Variants in LDB2 observed in about 807,000 individuals in gnomAD.
The protein encoded by LDB2 is LIM domain-binding protein 2.
LDB2 carries 12 observed loss-of-function variants against 44.3 expected under a neutral mutation model. The ratio of observed to expected loss-of-function variants is 0.27; its 90% CI spans 0.17 to 0.44. The LOEUF is 0.44. Among genes scored for constraint, LDB2 ranks in the 20% least tolerant of loss-of-function variants. The pLI is 1.00. For missense variants in LDB2, 344 were observed against 473.5 expected, an observed-to-expected ratio of 0.73 and a Z score of 2.54; for synonymous variants, 164 against 174.8, an observed-to-expected ratio of 0.94 and a Z score of 0.49.
intron 2 of LDB2, among the ~76,000 whole-genome samples, chr4:16,598,776 TG>T (rs1721750800): frequency 1.3e-5 from 2 of 151,922 alleles, no homozygotes; most frequent in Non-Finnish European, 2.9e-5. Flanking sequence ...AGAGTCTTCA[TG>T]GGCTGATTTG....
Position 16,569,679 on chromosome 4 carries a change from C to T in LDB2, c.615+16243G>A, listed in dbSNP as rs528715799. On this transcript the variant is annotated intron_variant, in intron 5 of 7. Transcript: ENST00000304523. ...CCATCCCTCCATCCATCCATCCATCCGTCCATCCATCCATCCAGCTGCTTG... is the reference window on the plus strand; with the variant it reads ...CCATCCCTCCATCCATCCATCCATCTGTCCATCCATCCATCCAGCTGCTTG... Among the ~76,000 whole-genome samples the T allele has an allele frequency of 2.6e-5, 4 of 152,234 alleles. No individual in the cohort carries two copies. The South Asian group carries it at 8.3e-4, about 32-fold the overall frequency.
intron 2 of LDB2, among the ~76,000 whole-genome samples, chr4:16,673,088 G>A (rs573228133): frequency 6.6e-6 from 1 of 151,708 alleles, no homozygotes; most frequent in Admixed American, 6.6e-5. Context: ...TGAAGATTCT[G>A]GTTTGTGACC....
intron 2 of LDB2, among the ~76,000 whole-genome samples, chr4:16,596,854 C>G (rs541481504): frequency 6.6e-6 from 1 of 152,110 alleles, no homozygotes; most frequent in Admixed American, 6.6e-5. Flanking sequence ...GATTTGAAAT[C>G]CTCTTACACT....
chr4:16,534,561 T>A (rs1055488959), intron 5 of LDB2, among the ~76,000 whole-genome samples: 2 of 152,234 alleles, frequency 1.3e-5, no homozygotes, highest in African/African-American at 4.8e-5. Flanking sequence ...TAATTTATAT[T>A]TCTCAAGTAG....
intron 2 of LDB2, among the ~76,000 whole-genome samples, chr4:16,727,519 G>A (rs1759782871): frequency 1.3e-5 from 2 of 152,118 alleles, no homozygotes; most frequent in Admixed American, 1.3e-4. Flanking sequence ...CAGTTGAAAC[G>A]CATCTCTGAA....
intron 1 of LDB2, among the ~76,000 whole-genome samples, chr4:16,883,461 G>A (rs574144785): frequency 7.2e-5 from 11 of 152,208 alleles, no homozygotes; most frequent in Non-Finnish European, 1.6e-4. Context: ...AAGCATATGG[G>A]CCTGCAATGG....
chr4:16,824,055 G>A (rs114137743), intron 1 of LDB2, among the ~76,000 whole-genome samples: 25 of 152,354 alleles, frequency 1.6e-4, no homozygotes, highest in Non-Finnish European at 2.8e-4. Flanking sequence ...TTCCACAGAG[G>A]CAGGCAAATT....
intron 5 of LDB2, among the ~76,000 whole-genome samples, chr4:16,576,680 A>C (rs1057250085): frequency 6.6e-6 from 1 of 152,226 alleles, no homozygotes; most frequent in Non-Finnish European, 1.5e-5. Context: ...AATCCTACTG[A>C]AACTATTCCA....
At chr4:16,609,355 G>GA (rs1553923643) in intron 2 of LDB2, among the ~76,000 whole-genome samples, 1 of 148,886 alleles carries the variant, frequency 6.7e-6, no homozygotes, top group Non-Finnish European at 1.5e-5. Context: ...AGGGGGCGGG[G>GA]GGGGGAGGGG....
chr4:16,610,441 C>T (rs1725295082), intron 2 of LDB2, among the ~76,000 whole-genome samples: 1 of 151,992 alleles, frequency 6.6e-6, no homozygotes, highest in Non-Finnish European at 1.5e-5. Flanking sequence ...TCTTCTAACC[C>T]AAAGCAAAGA....
intron 2 of LDB2, among the ~76,000 whole-genome samples, chr4:16,712,486 A>C (rs1463281218): frequency 6.6e-6 from 1 of 152,144 alleles, no homozygotes; most frequent in African/African-American, 2.4e-5. Flanking sequence ...CAGGAGTCGG[A>C]GGTTGTAGTG....
At chr4:16,782,683 A>G (rs1773557080) in intron 1 of LDB2, among the ~76,000 whole-genome samples, 1 of 152,170 alleles carries the variant, frequency 6.6e-6, no homozygotes, top group South Asian at 2.1e-4. Context: ...CAGTCTTTCC[A>G]AAGACTCACA....
chr4:16,702,895 T>C (rs1390586260), intron 2 of LDB2, among the ~76,000 whole-genome samples: 1 of 152,194 alleles, frequency 6.6e-6, no homozygotes, highest in African/African-American at 2.4e-5. Flanking sequence ...AATGCCTATG[T>C]ACTCTCTCTA....
intron 2 of LDB2, among the ~76,000 whole-genome samples, chr4:16,719,026 T>C (rs1757659282): frequency 6.7e-6 from 1 of 149,376 alleles, no homozygotes; most frequent in South Asian, 2.1e-4. Flanking sequence ...TCAAAATAAA[T>C]AGGCATATAA....
intron 7 of LDB2, among the ~76,000 whole-genome samples, chr4:16,504,142 A>G: frequency 6.6e-6 from 1 of 152,138 alleles, no homozygotes; most frequent in East Asian, 1.9e-4. Context: ...TAGAAAGGCT[A>G]ATTCAATAAA....
chr4:16,585,578 C>T (rs7669580), intron 5 of LDB2, among the ~76,000 whole-genome samples: 14,316 of 152,126 alleles, frequency 0.094, 757 homozygotes, highest in Non-Finnish European at 0.11. Context: ...GGTGGAGGCA[C>T]TGGGGTAATG....
At chr4:16,841,882 A>C (rs1364222037) in intron 1 of LDB2, among the ~76,000 whole-genome samples, 1 of 152,220 alleles carries the variant, frequency 6.6e-6, no homozygotes, top group Non-Finnish European at 1.5e-5. Flanking sequence ...CTTTCAAATT[A>C]AATGTCAAAT....
chr4:16,569,542 T>G (rs1453755654), intron 5 of LDB2, among the ~76,000 whole-genome samples: 1 of 152,148 alleles, frequency 6.6e-6, no homozygotes, highest in Non-Finnish European at 1.5e-5. Context: ...ATACAGCAGA[T>G]GCTTAGTAAA....
chr4:16,526,556 C>T (rs73242333), intron 5 of LDB2, among the ~76,000 whole-genome samples: 3,756 of 152,354 alleles, frequency 0.025, 67 homozygotes, highest in South Asian at 0.063. Flanking sequence ...TGTCTATCAT[C>T]TATCATCTAT....
Sources: gnomAD v4.1 joint callset for allele counts (sites outside exome capture counted in the v4.1 genomes callset) on GRCh38, gnomAD v4.1.1 for gene constraint, MANE v1.5 for transcripts, NCBI Gene and HGNC (gene_info 2026-07-23, HGNC 2026-07-21) for gene names.